Variants in WDR70 observed in about 807,000 individuals in gnomAD.
The protein encoded by WDR70 is WD repeat domain 70.
WDR70 carries 53 observed loss-of-function variants against 88.6 expected under a neutral mutation model. The ratio of observed to expected loss-of-function variants is 0.60; its 90% CI spans 0.48 to 0.75. The LOEUF (loss-of-function observed/expected upper bound fraction) is 0.75. Ranked by LOEUF, WDR70 falls within the 30% of genes least tolerant of loss-of-function variation. WDR70 has a pLI of 0.00. For synonymous variants in WDR70, 280 were observed against 270.0 expected (o/e 1.04, Z -0.36); for missense variants, 610 against 823.2 (o/e 0.74, Z 3.17).
At chr5:37,670,858 C>T (rs1182452116) in intron 10 of WDR70, among the ~76,000 whole-genome samples, 2 of 152,150 alleles carry the variant, frequency 1.3e-5, no homozygotes, top group Non-Finnish European at 1.5e-5. Context: ...ACTGCTATAT[C>T]GCCAGTGGCT....
intron 12 of WDR70, among the ~76,000 whole-genome samples, chr5:37,702,364 A>T (rs1368671853): frequency 1.3e-5 from 2 of 152,202 alleles, no homozygotes; most frequent in African/African-American, 4.8e-5. Context: ...GTCTTAGATT[A>T]GTCACAATCA....
chr5:37,390,372 C>T (rs1310880071), intron 3 of WDR70, among the ~76,000 whole-genome samples: 1 of 144,736 alleles, frequency 6.9e-6, no homozygotes, highest in Admixed American at 7.1e-5. Context: ...CCGAGTCTCA[C>T]TCAGTCGCCC....
At chr5:37,744,350 A>G (rs1748579292) in intron 17 of WDR70, among the ~76,000 whole-genome samples, 1 of 151,874 alleles carries the variant, frequency 6.6e-6, no homozygotes. Flanking sequence ...CTGAAAACCC[A>G]CAAGGCCAGA....
At chr5:37,423,558 T>G (rs1750017269) in intron 5 of WDR70, among the ~76,000 whole-genome samples, 1 of 146,172 alleles carries the variant, frequency 6.8e-6, no homozygotes, top group East Asian at 2.2e-4. Flanking sequence ...GTTTGTTTTT[T>G]TTTGTCTTTT....
chr5:37,384,172 CCTTT>C (rs1748527363), intron 3 of WDR70, among the ~76,000 whole-genome samples: 1 of 113,920 alleles, frequency 8.8e-6, no homozygotes, highest in African/African-American at 3.3e-5. Context: ...TACTTTCCCC[CCTTT>C]TTTTTTTTTT....
intron 13 of WDR70, among the ~76,000 whole-genome samples, chr5:37,713,022 A>T (rs1314884984): frequency 6.6e-6 from 1 of 152,128 alleles, no homozygotes; most frequent in Non-Finnish European, 1.5e-5. Flanking sequence ...AACTTTATAA[A>T]TTTTTTGTAA....
chr5:37,586,157 G>A, intron 9 of WDR70, among the ~76,000 whole-genome samples: 1 of 151,920 alleles, frequency 6.6e-6, no homozygotes, highest in Non-Finnish European at 1.5e-5. Context: ...ATTCCTCTTT[G>A]TCTTGGCCAG....
intron 10 of WDR70, among the ~76,000 whole-genome samples, chr5:37,685,343 C>T (rs1581495243): frequency 6.6e-6 from 1 of 152,118 alleles, no homozygotes; most frequent in East Asian, 1.9e-4. Flanking sequence ...GGGGAAGCTG[C>T]AGTGAGGGGA....
chr5:37,572,560 C>T (rs1264465157), intron 9 of WDR70, among the ~76,000 whole-genome samples: 1 of 152,072 alleles, frequency 6.6e-6, no homozygotes, highest in Admixed American at 6.6e-5. Flanking sequence ...ACATTGTACC[C>T]ACCAAGCAAC....
At chr5:37,424,085 G>T (rs1053722829) in intron 5 of WDR70, among the ~76,000 whole-genome samples, 1 of 144,108 alleles carries the variant, frequency 6.9e-6, no homozygotes, top group Non-Finnish European at 1.5e-5. Flanking sequence ...AGAAGTGGAG[G>T]TTGCAGTGAG....
chr5:37,492,268 G>T (rs896795149), intron 8 of WDR70, among the ~76,000 whole-genome samples: 1 of 151,994 alleles, frequency 6.6e-6, no homozygotes, highest in Non-Finnish European at 1.5e-5. Flanking sequence ...TTCCATATTC[G>T]TAATTCACTT....
intron 5 of WDR70, among the ~76,000 whole-genome samples, chr5:37,429,265 C>T (rs1281477594): frequency 6.6e-6 from 1 of 152,140 alleles, no homozygotes; most frequent in African/African-American, 2.4e-5. Flanking sequence ...AGTATTTTGT[C>T]ACATAAATGT....
intron 7 of WDR70, among the ~76,000 whole-genome samples, chr5:37,471,909 A>G (rs984012775): frequency 1.3e-5 from 2 of 151,944 alleles, no homozygotes; most frequent in South Asian, 2.1e-4. Flanking sequence ...GTCATATTGC[A>G]TGGTCAAGGA....
At chr5:37,624,699 G>C (rs553703224) in intron 10 of WDR70, among the ~76,000 whole-genome samples, 1 of 152,176 alleles carries the variant, frequency 6.6e-6, no homozygotes, top group Non-Finnish European at 1.5e-5. Flanking sequence ...AAAGATACAG[G>C]GGAAATTGTC....
intron 13 of WDR70, among the ~76,000 whole-genome samples, chr5:37,704,774 T>C (rs929189163): frequency 6.6e-6 from 1 of 152,182 alleles, no homozygotes; most frequent in Non-Finnish European, 1.5e-5. Flanking sequence ...AGATCATGTG[T>C]AAATCTTCGG....
chr5:37,595,516 C>G (rs1261000070), intron 9 of WDR70, among the ~76,000 whole-genome samples: 1 of 152,064 alleles, frequency 6.6e-6, no homozygotes, highest in African/African-American at 2.4e-5. Context: ...CAGTTCTTCC[C>G]AAATTCATGT....
intron 10 of WDR70, among the ~76,000 whole-genome samples, chr5:37,672,262 T>C (rs1280194186): frequency 1.3e-5 from 2 of 152,018 alleles, no homozygotes; most frequent in Admixed American, 6.5e-5. Flanking sequence ...GCCTGAGATA[T>C]GGCCTCGTGG....
chr5:37,721,754 GT>G (rs1307885955), intron 14 of WDR70: 1 of 152,638 alleles, frequency 6.6e-6, no homozygotes, highest in Non-Finnish European at 1.5e-5. Context: ...GTCTGAAAAC[GT>G]AACTAGAGGT....
intron 10 of WDR70, among the ~76,000 whole-genome samples, chr5:37,689,476 C>T (rs1299466728): frequency 1.1e-4 from 16 of 152,172 alleles, no homozygotes; most frequent in African/African-American, 2.9e-4. Flanking sequence ...CCCTCTGGGA[C>T]GAAGCTTCCA....
Sources: gnomAD v4.1 joint callset for allele counts (sites outside exome capture counted in the v4.1 genomes callset) on GRCh38, gnomAD v4.1.1 for gene constraint, MANE v1.5 for transcripts, NCBI Gene and HGNC (gene_info 2026-07-23, HGNC 2026-07-21) for gene names.